Variants in MACROD2 observed in about 807,000 individuals in gnomAD.
The protein encoded by MACROD2 is mono-ADP ribosylhydrolase 2.
In MACROD2, 36 loss-of-function variants were observed where a neutral mutation model predicts 70.4. The observed-to-expected ratio is 0.51, with a 90% CI of 0.39 to 0.68. The LOEUF (loss-of-function observed/expected upper bound fraction) is 0.68, where lower values mean the gene tolerates loss of function less well. Ranked by LOEUF, MACROD2 falls within the 30% of genes least tolerant of loss-of-function variation. The pLI, the probability that MACROD2 is intolerant of heterozygous loss-of-function variation, is 0.00. For synonymous variants in MACROD2, 172 were observed against 178.8 expected, an observed-to-expected ratio of 0.96 and a Z score of 0.30; for missense variants, 496 against 538.4, an observed-to-expected ratio of 0.92 and a Z score of 0.78.
intron 3 of MACROD2, among the ~76,000 whole-genome samples, chr20:14,382,770 G>T (rs2083436080): frequency 6.6e-6 from 1 of 152,212 alleles, no homozygotes; most frequent in Admixed American, 6.5e-5. Context: ...TTTCAAAAAG[G>T]CAGCCTGAGA....
At chr20:14,861,693 A>G (rs2122359275) in intron 5 of MACROD2, among the ~76,000 whole-genome samples, 2 of 151,742 alleles carry the variant, frequency 1.3e-5, no homozygotes, top group South Asian at 4.2e-4. Context: ...AGGAATTAGA[A>G]GGAAGGGCAG....
At chr20:14,930,819 C>A (rs1600841579) in intron 5 of MACROD2, among the ~76,000 whole-genome samples, 7 of 115,466 alleles carry the variant, frequency 6.1e-5, no homozygotes, top group Admixed American at 9.3e-5. Flanking sequence ...TGTTTTCATT[C>A]ATTTTTTAAG....
intron 3 of MACROD2, among the ~76,000 whole-genome samples, chr20:14,321,627 G>A (rs191701665): frequency 7.4e-4 from 113 of 152,296 alleles, no homozygotes; most frequent in Non-Finnish European, 1.4e-3. Context: ...ACATTCATTG[G>A]TGGATTGATT....
chr20:16,000,383 T>C (rs1031421936), intron 15 of MACROD2, among the ~76,000 whole-genome samples: 3 of 152,112 alleles, frequency 2.0e-5, no homozygotes, highest in Admixed American at 2.0e-4. Flanking sequence ...ACCTGATAGA[T>C]TGGAAGAAAA....
chr20:14,777,663 A>G (rs544356752), intron 5 of MACROD2, among the ~76,000 whole-genome samples: 1 of 152,174 alleles, frequency 6.6e-6, no homozygotes, highest in Admixed American at 6.5e-5. Context: ...AGAAACAACT[A>G]ATGATTAGGT....
chr20:15,176,770 C>T (rs143001675), intron 5 of MACROD2, among the ~76,000 whole-genome samples: 4 of 152,282 alleles, frequency 2.6e-5, no homozygotes, highest in East Asian at 1.9e-4. Context: ...GAAACATGCT[C>T]CCCCTCCTTC....
At chr20:14,818,325 T>A (rs933102949) in intron 5 of MACROD2, among the ~76,000 whole-genome samples, 14 of 152,082 alleles carry the variant, frequency 9.2e-5, no homozygotes, top group Non-Finnish European at 1.5e-4. Flanking sequence ...TTACTTCGTC[T>A]ACTATGAGTA....
At chr20:14,694,094 C>T (rs2071093133) in intron 5 of MACROD2, among the ~76,000 whole-genome samples, 5 of 152,026 alleles carry the variant, frequency 3.3e-5, no homozygotes, top group Admixed American at 3.3e-4. Context: ...CACATAAAAG[C>T]AAAGAACCTC....
At chr20:16,025,689 C>G (rs551863182) in intron 15 of MACROD2, among the ~76,000 whole-genome samples, 1 of 152,288 alleles carries the variant, frequency 6.6e-6, no homozygotes, top group East Asian at 1.9e-4. Flanking sequence ...GGACCCCAGG[C>G]CCTCTGGTGC....
At chr20:15,039,888 G>C (rs997246098) in intron 5 of MACROD2, among the ~76,000 whole-genome samples, 2 of 152,216 alleles carry the variant, frequency 1.3e-5, no homozygotes, top group South Asian at 4.1e-4. Context: ...TTGTTGTAAA[G>C]TTTTGGATGC....
At chr20:14,218,486 G>C (rs2081642570) in intron 3 of MACROD2, among the ~76,000 whole-genome samples, 1 of 152,178 alleles carries the variant, frequency 6.6e-6, no homozygotes, top group Non-Finnish European at 1.5e-5. Context: ...CTCTTAAGTG[G>C]AGCATTTAGG....
At chr20:14,410,581 T>G (rs2083739103) in intron 3 of MACROD2, among the ~76,000 whole-genome samples, 1 of 152,146 alleles carries the variant, frequency 6.6e-6, no homozygotes, top group South Asian at 2.1e-4. Context: ...TGTTTTTTTG[T>G]GGCTGTGTAC....
intron 6 of MACROD2, among the ~76,000 whole-genome samples, chr20:15,257,801 A>G (rs2077212786): frequency 6.6e-6 from 1 of 152,106 alleles, no homozygotes; most frequent in Admixed American, 6.6e-5. Flanking sequence ...TACTTTTTCT[A>G]CTTATAAAAA....
At chr20:14,862,106 C>A (rs189621907) in intron 5 of MACROD2, among the ~76,000 whole-genome samples, 3 of 3,278 alleles carry the variant, frequency 9.2e-4, no homozygotes, top group East Asian at 7.2e-3. Context: ...TATATTTATA[C>A]ATAAATATAT....
At chr20:15,196,745 A>G (rs1857822385) in intron 5 of MACROD2, 1 of 340,254 alleles carries the variant, frequency 2.9e-6, no homozygotes, top group Admixed American at 6.5e-5. Flanking sequence ...ACTGTGAAGA[A>G]GGTACAATAT....
intron 2 of MACROD2, among the ~76,000 whole-genome samples, chr20:14,035,565 C>T (rs1257229871): frequency 2.0e-5 from 3 of 152,160 alleles, no homozygotes; most frequent in African/African-American, 7.2e-5. Context: ...AAAGTATCAT[C>T]ATATGACAGG....
intron 3 of MACROD2, among the ~76,000 whole-genome samples, chr20:14,441,042 G>A (rs1465421280): frequency 6.6e-6 from 1 of 152,114 alleles, no homozygotes; most frequent in Admixed American, 6.6e-5. Flanking sequence ...TTGTGATTAC[G>A]GGAAATTCTG....
At chr20:15,293,905 G>C (rs1207559182) in intron 6 of MACROD2, among the ~76,000 whole-genome samples, 2 of 152,072 alleles carry the variant, frequency 1.3e-5, no homozygotes, top group Admixed American at 1.3e-4. Context: ...ATCACCTGAG[G>C]TCAGGAGTTC....
chr20:15,463,551 A>G (rs745800264), intron 7 of MACROD2, among the ~76,000 whole-genome samples: 1 of 152,150 alleles, frequency 6.6e-6, no homozygotes, highest in Non-Finnish European at 1.5e-5. Flanking sequence ...GGAGTTCAAG[A>G]CCAGCCTGGC....
Sources: allele counts gnomAD v4.1 joint callset (sites outside exome capture counted in the v4.1 genomes callset), GRCh38; gene constraint gnomAD v4.1.1; transcripts MANE v1.5; gene names NCBI Gene and HGNC (gene_info 2026-07-23, HGNC 2026-07-21).